The following SORL1 variants were observed in gnomAD, a reference collection of about 807,000 sequenced individuals.
The protein encoded by SORL1 is sortilin-related receptor.
SORL1 carries 127 observed loss-of-function variants against 273.7 expected under a neutral mutation model. That is an observed-to-expected ratio of 0.46 (90% CI 0.40 to 0.54). The LOEUF is 0.54. Ranked by LOEUF, SORL1 falls within the 20% of genes least tolerant of loss-of-function variation. SORL1 has a pLI of 0.00. For missense variants in SORL1, 2,494 were observed against 2,846.1 expected, an observed-to-expected ratio of 0.88 and a Z score of 2.81; for synonymous variants, 1,031 against 1,067.4, an observed-to-expected ratio of 0.97 and a Z score of 0.66.
chr11:121,542,116 T>A (rs1358631836), intron 12 of SORL1, among the ~76,000 whole-genome samples: 1 of 152,224 alleles, frequency 6.6e-6, no homozygotes, highest in Non-Finnish European at 1.5e-5. Flanking sequence ...TGAATCATTT[T>A]AAAGAAAGTT....
rs775361675 is a variant in SORL1, at chr11:121,629,856, G to A, written c.*293G>A. ...GCTTTTACGTCTGTGAGATAATTTC[G>A]GTTCAGTAAATTGGCCAATCTTTTT... On this transcript the variant is annotated 3_prime_UTR_variant, in exon 48 of 48. Transcript: ENST00000260197. 8.4e-6 allele frequency: 3 copies of A among 356,254 alleles called. No individual in the cohort carries two copies. In the South Asian group the frequency reaches 1.5e-4, roughly 18 times the overall value. 22.1% of individuals were successfully genotyped at this position (356,254 alleles called of 1,614,324 possible). A position where few individuals can be genotyped will look rare whatever the true frequency, so the allele number is the denominator to read the frequency against.
chr11:121,608,012 AT>A, intron 37 of SORL1, 91 bp from the exon 38 acceptor site: 1 of 1,174,046 alleles, frequency 8.5e-7, no homozygotes, highest in Non-Finnish European at 1.2e-6. Context: ...CACTGCCAAA[AT>A]CTCACCCCTT....
intron 12 of SORL1, among the ~76,000 whole-genome samples, chr11:121,542,587 A>T (rs1327729916): frequency 6.6e-6 from 1 of 152,088 alleles, no homozygotes; most frequent in Non-Finnish European, 1.5e-5. Flanking sequence ...GAGGCACCTA[A>T]TATCAAGTTG....
Position 121,452,453 on chromosome 11 carries a change from C to T in SORL1, c.122C>T (p.Pro41Leu), listed in dbSNP as rs1322382352. 1 of 1,509,948 alleles carries T rather than the reference C, an allele frequency of 6.6e-7. No homozygotes were observed. The allele number at this position is 1,509,948 out of a possible 1,614,324, so 93.5% of individuals were successfully genotyped here. The change falls in exon 1 of 48, where the codon CCC (proline) becomes CTC (leucine). Residue 41 changes from proline to leucine, a missense_variant. By Grantham distance (98) the Pro-to-Leu change is moderately conservative. Transcript: ENST00000260197. The surrounding 1 kb of genome is among the most constrained non-coding windows in gnomAD (Gnocchi z 5.3). ...WTQRLHGGSA[P>L]LPQDRGFLVV... The stretch of plus-strand genomic sequence containing the variant: ...CAGAGGCTGCACGGCGGCAGCGCGC[C>T]CTTGCCCCAGGACCGGGGCTTCCTC...
intron 26 of SORL1, among the ~76,000 whole-genome samples, chr11:121,584,766 A>AT (rs922442544): frequency 4.0e-5 from 6 of 151,814 alleles, no homozygotes; most frequent in Admixed American, 2.0e-4. Flanking sequence ...TAATTTTTGT[A>AT]TTTTTTTGTA....
chr11:121,511,816 A>G lies in SORL1; in HGVS notation c.940-1187A>G, dbSNP rs144410222. On this transcript the variant is annotated intron_variant, in intron 6 of 47. Coordinates refer to ENST00000260197, the MANE Select transcript of SORL1 (RefSeq NM_003105.6). The stretch of plus-strand genomic sequence containing the variant: ...TTTGAGCACAGGGTACTGAATCGTT[A>G]TATTGCAGATAAAATAAATGGATAT... 5.9e-5 allele frequency among the ~76,000 whole-genome samples: 9 copies of G among 152,346 alleles called. No homozygotes were observed. In the East Asian group the frequency reaches 1.7e-3, roughly 29 times the overall value.
chr11:121,522,893 T>A, intron 10 of SORL1, 23 bp from the exon 11 acceptor site: 1 of 1,597,360 alleles, frequency 6.3e-7, no homozygotes, highest in East Asian at 2.2e-5. Context: ...AAATTAAAAA[T>A]AATTATTTCT....
intron 11 of SORL1, 59 bp from the exon 12 acceptor site, chr11:121,532,405 A>T: frequency 1.3e-6 from 2 of 1,504,200 alleles, no homozygotes; most frequent in South Asian, 1.1e-5. Flanking sequence ...GCATGTGTAC[A>T]TGGTTTCTGC....
chr11:121,490,983 T>C lies in SORL1; in HGVS notation c.758+873T>C, dbSNP rs114373783. Among the ~76,000 whole-genome samples, 733 of 152,214 alleles carry C rather than the reference T, an allele frequency of 4.8e-3. 5 individuals carry two copies. The highest frequency in any genetic ancestry group is 0.017 in the African/African-American group (704 of 41,536). On this transcript the variant is annotated intron_variant, in intron 5 of 47. Coordinates refer to ENST00000260197, the MANE Select transcript of SORL1 (RefSeq NM_003105.6). Reference sequence around the variant, plus strand: ...TTTATCCTTCCAGATGGGAGGATCATAAACAGCTGTGTAGAGGAGGTGGCC... The same window carrying C: ...TTTATCCTTCCAGATGGGAGGATCACAAACAGCTGTGTAGAGGAGGTGGCC...
chr11:121,546,962 C>T (rs1323918204), intron 14 of SORL1: 9 of 152,212 alleles, frequency 5.9e-5, no homozygotes, highest in South Asian at 2.1e-4. Flanking sequence ...TCTGCACATT[C>T]GCCCTTTGAG....
chr11:121,524,648 G>C (rs1199194315), intron 11 of SORL1, among the ~76,000 whole-genome samples: 1 of 152,030 alleles, frequency 6.6e-6, no homozygotes, highest in Non-Finnish European at 1.5e-5. Context: ...CTGTAATTGT[G>C]GTTTTCTTTT....
intron 23 of SORL1, 74 bp downstream of exon 23, chr11:121,570,344 C>T: frequency 8.7e-7 from 1 of 1,153,466 alleles, no homozygotes; most frequent in South Asian, 1.3e-5. Context: ...AGGCTGAGGG[C>T]CTAAGGTCTA....
intron 2 of SORL1, among the ~76,000 whole-genome samples, chr11:121,474,331 G>T (rs114372088): frequency 1.0e-3 from 154 of 151,992 alleles, no homozygotes; most frequent in African/African-American, 3.5e-3. Context: ...GGGCCAGGGG[G>T]CAGGTAGGGG....
At chr11:121,467,261 A>G (rs141100199) in intron 1 of SORL1, among the ~76,000 whole-genome samples, 2 of 152,212 alleles carry the variant, frequency 1.3e-5, no homozygotes, top group East Asian at 3.9e-4. Flanking sequence ...TTTTCTTTGT[A>G]GAAAAGCCCT....
intron 31 of SORL1, among the ~76,000 whole-genome samples, chr11:121,594,753 G>A (rs1008739777): frequency 1.3e-5 from 2 of 152,062 alleles, no homozygotes; most frequent in South Asian, 4.1e-4. Context: ...GATAGTTCTT[G>A]GTTGCTGCTT....
chr11:121,564,807 G>A lies in SORL1; in HGVS notation c.3050-2133G>A, dbSNP rs941974134. Among the ~76,000 whole-genome samples the A allele has an allele frequency of 3.3e-5, 5 of 152,026 alleles. No individual in the cohort carries two copies. The Middle Eastern group carries it at 0.01, about 310-fold the overall frequency. On this transcript the variant is annotated intron_variant, in intron 21 of 47. Coordinates refer to ENST00000260197, the MANE Select transcript of SORL1 (RefSeq NM_003105.6). ...AGGGTGGTCTCGAACTCCTGGGCTC[G>A]AGTGATCCTCCCACCTCGGCCTCCC...
chr11:121,505,104 A>G (rs993506594), intron 6 of SORL1, among the ~76,000 whole-genome samples: 1 of 152,158 alleles, frequency 6.6e-6, no homozygotes, highest in Non-Finnish European at 1.5e-5. Flanking sequence ...GGCAGAATTT[A>G]CCATCTTTGT....
chr11:121,546,110 C>G (rs1565331453), intron 14 of SORL1, among the ~76,000 whole-genome samples: 1 of 152,132 alleles, frequency 6.6e-6, no homozygotes, highest in Non-Finnish European at 1.5e-5. Flanking sequence ...GACCATGTGT[C>G]TGCAACAGTC....
chr11:121,495,892 C>T (rs897525764), intron 5 of SORL1, among the ~76,000 whole-genome samples: 2 of 152,188 alleles, frequency 1.3e-5, no homozygotes, highest in African/African-American at 4.8e-5. Context: ...AAGACATGGC[C>T]TTCCGAGGCA....
Sources: allele counts gnomAD v4.1 joint callset (sites outside exome capture counted in the v4.1 genomes callset), GRCh38; gene constraint gnomAD v4.1.1; non-coding constraint Gnocchi (gnomAD v3.1); transcripts MANE v1.5; gene names NCBI Gene and HGNC (gene_info 2026-07-23, HGNC 2026-07-21).